HDHD2: variants seen among roughly 807,000 people sequenced by gnomAD.
The protein encoded by HDHD2 is haloacid dehalogenase like hydrolase domain containing 2, also known as haloacid dehalogenase-like hydrolase domain-containing protein 2.
In HDHD2, 26 loss-of-function variants were observed where a neutral mutation model predicts 24.8. That is an observed-to-expected ratio of 1.05 (90% CI 0.77 to 1.45). The LOEUF (loss-of-function observed/expected upper bound fraction) is 1.45, where lower values mean the gene tolerates loss of function less well. Among genes scored for constraint, HDHD2 ranks in the 40% most tolerant of loss-of-function variants. The probability of loss-of-function intolerance (pLI) is 0.00; values close to 1 mark genes in which losing one functional copy is unlikely to be tolerated. For missense variants in HDHD2, 299 were observed against 313.4 expected (o/e 0.95, Z 0.35); for synonymous variants, 128 against 114.9 (o/e 1.11, Z -0.73).
chr18:47,136,586 T>C (rs1212202239), intron 1 of HDHD2, 137 bp from the exon 2 acceptor site: 29 of 632,202 alleles, frequency 4.6e-5, no homozygotes, highest in Non-Finnish European at 6.5e-5. Context: ...TGGAGAAAAC[T>C]GGTTTTAAAA....
chr18:47,108,237 A>G lies in HDHD2; in HGVS notation c.*445T>C, dbSNP rs2063488876. The G allele has an allele frequency of 6.5e-6, 1 of 153,408 alleles. No individual in the cohort carries two copies. The highest frequency in any genetic ancestry group is 2.4e-5 in the African/African-American group (1 of 41,490). The allele number at this position is 153,408 out of a possible 1,614,324, so 9.5% of individuals were successfully genotyped here. A position where few individuals can be genotyped will look rare whatever the true frequency, so the allele number is the denominator to read the frequency against. On this transcript the variant is annotated 3_prime_UTR_variant, in exon 7 of 7. Transcript: ENST00000300605. ...ATTTGGCACATCTGATGGATTTCAC[A>G]GTTGAACTCAATATTAGAACTACAG...
At chr18:47,146,426 T>C (rs979657117) in intron 1 of HDHD2, among the ~76,000 whole-genome samples, 2 of 152,138 alleles carry the variant, frequency 1.3e-5, no homozygotes, top group Non-Finnish European at 1.5e-5. Context: ...AAGAATATAC[T>C]TGTACAAGCA....
At chr18:47,146,462 T>C (rs2063871392) in intron 1 of HDHD2, among the ~76,000 whole-genome samples, 2 of 152,190 alleles carry the variant, frequency 1.3e-5, no homozygotes, top group Admixed American at 6.5e-5. Flanking sequence ...GGCATCACCA[T>C]ATCCTACAAT....
At chr18:47,132,715 T>C (rs995860277) in intron 3 of HDHD2, among the ~76,000 whole-genome samples, 3 of 152,244 alleles carry the variant, frequency 2.0e-5, no homozygotes, top group Admixed American at 2.0e-4. Flanking sequence ...TTCTATATTG[T>C]GCCATTGCAC....
At chr18:47,120,667 G>A (rs992153704) in intron 4 of HDHD2, among the ~76,000 whole-genome samples, 1 of 152,076 alleles carries the variant, frequency 6.6e-6, no homozygotes, top group African/African-American at 2.4e-5. Context: ...AGCCTATCTC[G>A]GCTTTCGACA....
intron 4 of HDHD2, among the ~76,000 whole-genome samples, chr18:47,120,676 C>T (rs2063597489): frequency 6.6e-6 from 1 of 152,206 alleles, no homozygotes; most frequent in Admixed American, 6.5e-5. Flanking sequence ...CGGCTTTCGA[C>T]ATGCCTTACT....
intron 4 of HDHD2, among the ~76,000 whole-genome samples, chr18:47,128,804 T>C (rs565833684): frequency 7.2e-5 from 11 of 152,210 alleles, no homozygotes; most frequent in Non-Finnish European, 1.3e-4. Flanking sequence ...TCTGGCCACA[T>C]AGATTTTACA....
intron 4 of HDHD2, among the ~76,000 whole-genome samples, chr18:47,117,425 T>G (rs1041992361): frequency 6.6e-6 from 1 of 152,164 alleles, no homozygotes; most frequent in Non-Finnish European, 1.5e-5. Context: ...AGGATGAGTT[T>G]GGCCCCCTTC....
intron 2 of HDHD2, among the ~76,000 whole-genome samples, chr18:47,135,694 G>C (rs1431510901): frequency 3.3e-5 from 5 of 152,174 alleles, no homozygotes; most frequent in African/African-American, 9.7e-5. Flanking sequence ...CTTAATATAT[G>C]TTATTGGTTC....
intron 1 of HDHD2, among the ~76,000 whole-genome samples, chr18:47,139,180 C>T (rs1012824699): frequency 3.9e-5 from 6 of 151,936 alleles, no homozygotes; most frequent in South Asian, 2.1e-4. Flanking sequence ...CTTTGTTGGC[C>T]GGGCACGGTG....
At chr18:47,133,211 G>A (rs1158379675) in intron 3 of HDHD2, among the ~76,000 whole-genome samples, 1 of 146,998 alleles carries the variant, frequency 6.8e-6, no homozygotes, top group Admixed American at 7.0e-5. Context: ...TGTTCTCATT[G>A]TTCAATTCCC....
At chr18:47,136,153 A>G (rs1257318566) in intron 2 of HDHD2, 186 bp downstream of exon 2, 1 of 630,762 alleles carries the variant, frequency 1.6e-6, no homozygotes, top group Non-Finnish European at 2.5e-6. Context: ...AACCTAATAA[A>G]GGCTTAGAAA....
At position 47,150,405 on chromosome 18, in the gene HDHD2, A is replaced by C. The variant is rs1284634768; in HGVS notation, c.-38T>G. 1 of 152,372 alleles carries C rather than the reference A, an allele frequency of 6.6e-6. No individual in the cohort carries two copies. Among genetic ancestry groups the C allele is most frequent in the Non-Finnish European group, 1.5e-5 (1 of 68,164 alleles). 9.4% of individuals were successfully genotyped at this position (152,372 alleles called of 1,614,324 possible). A position where few individuals can be genotyped will look rare whatever the true frequency, so the allele number is the denominator to read the frequency against. On this transcript the variant is annotated 5_prime_UTR_variant, in exon 1 of 7. Transcript: ENST00000300605. ...ACACTCCGTACGCCGTCCTCAGGAA[A>C]GGCCCCCGCTAATGGCAAAGCCAGC...
chr18:47,110,385 G>A (rs2063506195), intron 6 of HDHD2: 1 of 985,382 alleles, frequency 1.0e-6, no homozygotes, highest in Non-Finnish European at 1.2e-6. Context: ...TCTACTGCCA[G>A]TTTTCTTCCC....
rs747799344 is a variant in HDHD2 at position 47,115,303 on chromosome 18, C to G, written c.441G>C (p.Arg147Ser). 1 of 1,613,862 alleles carries G rather than the reference C, an allele frequency of 6.2e-7. No homozygotes were observed. Residue 147 changes from arginine (R) to serine (S), a missense_variant, in exon 5 of 7, where the codon AGG becomes AGC. Coordinates refer to ENST00000300605, the MANE Select transcript of HDHD2 (RefSeq NM_032124.5). Reference sequence around the variant, plus strand: ...CTAAGCCATCTTTCCTCTTGTAATACCTGGCTTTGTGGATTGCTATCAGAG... The same window carrying G: ...CTAAGCCATCTTTCCTCTTGTAATAGCTGGCTTTGTGGATTGCTATCAGAG... ...GAPLIAIHKA[R>S]YYKRKDGLAL...
At chr18:47,110,642 C>G in intron 6 of HDHD2, 1 of 983,274 alleles carries the variant, frequency 1.0e-6, no homozygotes, top group Non-Finnish European at 1.2e-6. Context: ...ACCTAGCACA[C>G]AGCAGGGGCT....
At chr18:47,149,600 C>T in intron 1 of HDHD2, among the ~76,000 whole-genome samples, 1 of 152,258 alleles carries the variant, frequency 6.6e-6, no homozygotes, top group South Asian at 2.1e-4. Context: ...TACACTTTGC[C>T]TCCCTCGTTG....
chr18:47,131,223 C>T (rs748258064), intron 3 of HDHD2, among the ~76,000 whole-genome samples: 6 of 152,098 alleles, frequency 3.9e-5, no homozygotes, highest in Non-Finnish European at 7.3e-5. Flanking sequence ...GTGATCCACC[C>T]GCCTCAGCCT....
At chr18:47,134,808 A>G in intron 2 of HDHD2, 104 bp from the exon 3 acceptor site, 1 of 856,664 alleles carries the variant, frequency 1.2e-6, no homozygotes, top group Non-Finnish European at 1.9e-6. Flanking sequence ...ATGGCCAGCA[A>G]CATGACAATG....
Sources: gnomAD v4.1 joint callset for allele counts (sites outside exome capture counted in the v4.1 genomes callset) on GRCh38, gnomAD v4.1.1 for gene constraint, MANE v1.5 for transcripts, NCBI Gene and HGNC (gene_info 2026-07-23, HGNC 2026-07-21) for gene names.